The following RPS6KC1 variants were observed in gnomAD, a reference collection of about 807,000 sequenced individuals.
The protein encoded by RPS6KC1 is inactive ribosomal protein S6 kinase delta-1.
RPS6KC1 carries 54 observed loss-of-function variants against 103.8 expected under a neutral mutation model. The observed-to-expected ratio is 0.52, with a 90% confidence interval of 0.42 to 0.65. The LOEUF (loss-of-function observed/expected upper bound fraction) is 0.65, where lower values mean the gene tolerates loss of function less well. Among genes scored for constraint, RPS6KC1 ranks in the 30% least tolerant of loss-of-function variants. The probability of loss-of-function intolerance (pLI) is 0.00; values close to 1 mark genes in which losing one functional copy is unlikely to be tolerated. For synonymous variants in RPS6KC1, 439 were observed against 438.7 expected (o/e 1.00, Z -0.01); for missense variants, 1,151 against 1,253.8 (o/e 0.92, Z 1.24).
chr1:213,432,110 GA>G, the RPS6KC1 span, among the ~76,000 whole-genome samples: 7 of 152,150 alleles, frequency 4.6e-5, no homozygotes, highest in Admixed American at 3.3e-4. Flanking sequence ...CCATATTTTA[GA>G]AATTGGGTTC....
At chr1:213,671,246 C>T in the RPS6KC1 span, among the ~76,000 whole-genome samples, 3 of 152,124 alleles carry the variant, frequency 2.0e-5, no homozygotes, top group African/African-American at 7.2e-5. Flanking sequence ...CCAGAGGCCA[C>T]TATATTAAGT....
the RPS6KC1 span, among the ~76,000 whole-genome samples, chr1:213,501,056 A>C: frequency 6.6e-6 from 1 of 152,004 alleles, no homozygotes; most frequent in African/African-American, 2.4e-5. Context: ...AATAGTCTAT[A>C]GATTTAATTC....
At chr1:213,057,897 C>A (rs1436590820) in intron 1 of RPS6KC1, among the ~76,000 whole-genome samples, 1 of 150,832 alleles carries the variant, frequency 6.6e-6, no homozygotes, top group Non-Finnish European at 1.5e-5. Context: ...TCCTGAGTGG[C>A]TGGGACTACA....
At chr1:213,671,235 C>T in the RPS6KC1 span, among the ~76,000 whole-genome samples, 1 of 152,136 alleles carries the variant, frequency 6.6e-6, no homozygotes, top group Non-Finnish European at 1.5e-5. Flanking sequence ...CATGGATTAA[C>T]CCAGAGGCCA....
At chr1:213,085,586 T>A (rs973231622) in intron 3 of RPS6KC1, among the ~76,000 whole-genome samples, 5 of 152,198 alleles carry the variant, frequency 3.3e-5, no homozygotes, top group African/African-American at 1.2e-4. Context: ...AATGTTTATA[T>A]AATAGTTACA....
At chr1:213,381,028 A>G in the RPS6KC1 span, among the ~76,000 whole-genome samples, 131,632 of 152,152 alleles carry the variant, frequency 0.87, 57,023 homozygotes, top group East Asian at 0.99. Context: ...CAACTCGTAG[A>G]GCTTGGGAAG....
chr1:213,603,772 A>G, the RPS6KC1 span, among the ~76,000 whole-genome samples: 1 of 152,180 alleles, frequency 6.6e-6, no homozygotes, highest in East Asian at 1.9e-4. Context: ...AGGCAGGAGA[A>G]TCGCTTGAAC....
the RPS6KC1 span, among the ~76,000 whole-genome samples, chr1:213,655,262 C>T: frequency 3.9e-5 from 6 of 152,154 alleles, no homozygotes; most frequent in African/African-American, 9.7e-5. Context: ...AGGCTGGTCT[C>T]GAACTCCTGG....
At chr1:213,462,214 T>C in the RPS6KC1 span, among the ~76,000 whole-genome samples, 2 of 152,160 alleles carry the variant, frequency 1.3e-5, no homozygotes, top group African/African-American at 4.8e-5. Flanking sequence ...TGAGATACCA[T>C]CTCACACCAG....
At chr1:213,328,110 C>G in the RPS6KC1 span, among the ~76,000 whole-genome samples, 3 of 152,222 alleles carry the variant, frequency 2.0e-5, no homozygotes, top group East Asian at 5.8e-4. Context: ...TTCTTGAGAG[C>G]GGGGCAGGAT....
At chr1:213,340,256 A>G in the RPS6KC1 span, among the ~76,000 whole-genome samples, 1 of 152,070 alleles carries the variant, frequency 6.6e-6, no homozygotes, top group Non-Finnish European at 1.5e-5. Context: ...ATAATGAGAA[A>G]CTCATAATGA....
At chr1:213,508,870 A>G in the RPS6KC1 span, among the ~76,000 whole-genome samples, 1 of 152,162 alleles carries the variant, frequency 6.6e-6, no homozygotes, top group South Asian at 2.1e-4. Flanking sequence ...TGGAGAGAAA[A>G]GGGCAATGGC....
At chr1:213,631,223 C>T in the RPS6KC1 span, among the ~76,000 whole-genome samples, 1 of 152,016 alleles carries the variant, frequency 6.6e-6, no homozygotes, top group East Asian at 1.9e-4. Context: ...CTGTCCTGCA[C>T]CCACTGTCTG....
At chr1:213,526,996 T>A in the RPS6KC1 span, among the ~76,000 whole-genome samples, 1 of 152,268 alleles carries the variant, frequency 6.6e-6, no homozygotes, top group Non-Finnish European at 1.5e-5. Flanking sequence ...AATTGACATC[T>A]ATTCACAGCC....
chr1:213,093,141 A>T (rs979168353), intron 3 of RPS6KC1, among the ~76,000 whole-genome samples: 8 of 151,942 alleles, frequency 5.3e-5, no homozygotes, highest in African/African-American at 1.9e-4. Flanking sequence ...GTAATGTTTG[A>T]TAACTGTAAT....
chr1:213,369,002 A>G, the RPS6KC1 span, among the ~76,000 whole-genome samples: 1 of 152,200 alleles, frequency 6.6e-6, no homozygotes, highest in Non-Finnish European at 1.5e-5. Flanking sequence ...ACAGTTGCGT[A>G]CTGTCTGTCT....
chr1:213,517,065 G>T, the RPS6KC1 span, among the ~76,000 whole-genome samples: 1 of 152,132 alleles, frequency 6.6e-6, no homozygotes, highest in African/African-American at 2.4e-5. Flanking sequence ...TGTGGGATCG[G>T]TGGTGATATT....
chr1:213,728,594 G>A, the RPS6KC1 span, among the ~76,000 whole-genome samples: 1 of 152,148 alleles, frequency 6.6e-6, no homozygotes, highest in Non-Finnish European at 1.5e-5. Context: ...GGTACTCTAA[G>A]AGGAAAAGTG....
At chr1:213,630,956 C>T in the RPS6KC1 span, among the ~76,000 whole-genome samples, 1 of 152,158 alleles carries the variant, frequency 6.6e-6, no homozygotes, top group Non-Finnish European at 1.5e-5. Context: ...CAGAGGAGTA[C>T]CTGGCCGTGT....
Sources: gnomAD v4.1 joint callset for allele counts (sites outside exome capture counted in the v4.1 genomes callset) on GRCh38, gnomAD v4.1.1 for gene constraint, MANE v1.5 for transcripts, NCBI Gene and HGNC (gene_info 2026-07-23, HGNC 2026-07-21) for gene names.